Variants in KIAA1755 observed in about 807,000 individuals in gnomAD.
KIAA1755 encodes the protein KIAA1755, also known as uncharacterized protein KIAA1755.
KIAA1755 carries 68 observed loss-of-function variants against 91.7 expected under a neutral mutation model. That is an observed-to-expected ratio of 0.74 (90% confidence interval 0.61 to 0.91). KIAA1755 has a LOEUF of 0.91. Among genes scored for constraint, KIAA1755 ranks in the 40% least tolerant of loss-of-function variants. KIAA1755 has a pLI of 0.00. For missense variants in KIAA1755, 1,535 were observed against 1,494.4 expected (o/e 1.03, Z -0.45); for synonymous variants, 610 against 604.6 (o/e 1.01, Z -0.13).
At chr20:38,256,849 G>A (rs187198582) in intron 1 of KIAA1755, among the ~76,000 whole-genome samples, 2 of 152,254 alleles carry the variant, frequency 1.3e-5, no homozygotes, top group East Asian at 3.9e-4. Flanking sequence ...TGTTTGTGCT[G>A]TTTAAATTCC....
At chr20:38,247,535 G>T (rs764781283) in intron 1 of KIAA1755, among the ~76,000 whole-genome samples, 3 of 152,162 alleles carry the variant, frequency 2.0e-5, no homozygotes, top group Non-Finnish European at 4.4e-5. Context: ...CCCTTTTCTG[G>T]GATCCTATAG....
At chr20:38,217,678 T>C (rs928152544) in intron 12 of KIAA1755, 1 of 592,342 alleles carries the variant, frequency 1.7e-6, no homozygotes, top group Non-Finnish European at 3.0e-6. Flanking sequence ...AGAGCAGTTA[T>C]CACGCTTCTG....
intron 5 of KIAA1755, 53 bp downstream of exon 5, chr20:38,231,149 G>A: frequency 4.5e-6 from 7 of 1,564,896 alleles, no homozygotes; most frequent in Non-Finnish European, 6.1e-6. Flanking sequence ...CAGGGCTCTG[G>A]GCCCAGAGGG....
In KIAA1755 at chr20:38,260,638, C is replaced by A; in HGVS notation, c.-138G>T. On this transcript the variant is annotated 5_prime_UTR_variant, in exon 1 of 14. Coordinates refer to ENST00000279024, the MANE Select transcript of KIAA1755 (RefSeq NM_001029864.2). ...AGGGGATAGGGCAGGCCCGGGGCAC[C>A]GACCCCGGCGTCATCTCGGAGGAGC... is the stretch of plus-strand genomic sequence containing the variant. The A allele has an allele frequency of 9.7e-7, 1 of 1,034,552 alleles. No individual in the cohort carries two copies. Among genetic ancestry groups the A allele is most frequent in the South Asian group, 2.9e-5 (1 of 34,200 alleles). The allele number at this position is 1,034,552 out of a possible 1,614,324, so 64.1% of individuals were successfully genotyped here.
Position 38,218,246 on chromosome 20 carries a change from C to CTT in KIAA1755, c.2676_2677insAA (p.Ala893LysfsTer50). On this transcript the variant is annotated frameshift_variant, in exon 12 of 14. Transcript: ENST00000279024. LOFTEE classifies it high-confidence loss of function. ...CTCCTCTGTTGTCTGGAACGCACTG[C>CTT]AGCCTGGAGGAAGAAGTTCTCAAAT... is the stretch of plus-strand genomic sequence containing the variant. The CTT allele has an allele frequency of 6.2e-7, 1 of 1,614,202 alleles. No homozygotes were observed. The highest frequency in any genetic ancestry group is 8.5e-7 in the Non-Finnish European group (1 of 1,180,038).
chr20:38,232,259 G>T (rs567798460), intron 4 of KIAA1755, among the ~76,000 whole-genome samples: 7 of 152,150 alleles, frequency 4.6e-5, no homozygotes, highest in Non-Finnish European at 1.0e-4. Flanking sequence ...CACAAGTGCC[G>T]CCTCACAGGG....
At chr20:38,218,941 C>T (rs1412039078) in intron 11 of KIAA1755, among the ~76,000 whole-genome samples, 2 of 152,122 alleles carry the variant, frequency 1.3e-5, no homozygotes, top group Admixed American at 6.5e-5. Flanking sequence ...CTCTCAACCC[C>T]GAGTGGAAGT....
In KIAA1755 at chr20:38,260,185, C is replaced by T. The variant is rs1194724216; in HGVS notation, c.3+313G>A. 4 of 1,408,314 alleles carry T rather than the reference C, an allele frequency of 2.8e-6. No individual in the cohort carries two copies. The South Asian group carries it at 6.0e-5, about 21-fold the overall frequency. The allele number at this position is 1,408,314 out of a possible 1,614,324, so 87.2% of individuals were successfully genotyped here. On this transcript the variant is annotated intron_variant, in intron 1 of 13. Coordinates refer to ENST00000279024, the MANE Select transcript of KIAA1755 (RefSeq NM_001029864.2). ...CCAAAACAAACATGCAAAACCACCCCGTTTCAGCCCTCAGCCTCAGGGCTG... is the reference window on the plus strand; with the variant it reads ...CCAAAACAAACATGCAAAACCACCCTGTTTCAGCCCTCAGCCTCAGGGCTG...
intron 4 of KIAA1755, among the ~76,000 whole-genome samples, chr20:38,231,646 G>T (rs984044311): frequency 1.3e-5 from 2 of 152,190 alleles, no homozygotes; most frequent in African/African-American, 4.8e-5. Flanking sequence ...GACTCACTGT[G>T]TGTCTGTGGG....
Position 38,245,729 on chromosome 20 carries a change from G to T in KIAA1755, c.201+200C>A, listed in dbSNP as rs74765431. Among the ~76,000 whole-genome samples, 9 of 152,184 alleles carry T rather than the reference G, an allele frequency of 5.9e-5. No homozygotes were observed. The East Asian group carries it at 1.5e-3, about 26-fold the overall frequency. The stretch of plus-strand genomic sequence containing the variant: ...GACAGTACAATGTAATGAACTCATA[G>T]ATGTCACAAGGTAAATCCCCTTCGA... On this transcript the variant is annotated intron_variant, in intron 2 of 13. Transcript: ENST00000279024.
chr20:38,240,911 G>T lies in KIAA1755; in HGVS notation c.1220C>A (p.Pro407Gln). The T allele has an allele frequency of 6.2e-7, 1 of 1,614,044 alleles. No individual in the cohort carries two copies. The highest frequency in any genetic ancestry group is 2.2e-5 in the East Asian group (1 of 44,882). ...AGGCCTGAGCTGCACCATATTCTCTGGGTTTCCTAGAGGTCCCTGCATCTT... is the reference window on the plus strand; with the variant it reads ...AGGCCTGAGCTGCACCATATTCTCTTGGTTTCCTAGAGGTCCCTGCATCTT... ...ASKMQGPLGNPENMVQLRPGP... is the reference protein window; with the variant it reads ...ASKMQGPLGNQENMVQLRPGP... The change falls in exon 3 of 14, where the codon CCA (proline) becomes CAA (glutamine). Residue 407 changes from proline to glutamine, a missense_variant. Transcript: ENST00000279024.
chr20:38,229,985 C>T (rs868549894), intron 5 of KIAA1755, among the ~76,000 whole-genome samples: 2 of 152,174 alleles, frequency 1.3e-5, no homozygotes, highest in Non-Finnish European at 2.9e-5. Context: ...GGGTGGGATG[C>T]ATGAAGATAG....
chr20:38,210,568 C>T lies in KIAA1755; in HGVS notation c.*2474G>A, dbSNP rs1403865727. On this transcript the variant is annotated 3_prime_UTR_variant, in exon 14 of 14. Transcript: ENST00000279024. ...TTATGACATTTCATTTCTGCATTCC[C>T]TTCTTCCCCAGGGGATGCAGTGAGG... 6.6e-6 allele frequency: 1 copy of T among 152,222 alleles called. No individual in the cohort carries two copies. The highest frequency in any genetic ancestry group is 1.5e-5 in the Non-Finnish European group (1 of 68,040). 9.4% of individuals were successfully genotyped at this position (152,222 alleles called of 1,614,324 possible).
At chr20:38,224,518 C>T (rs377731073) in intron 8 of KIAA1755, among the ~76,000 whole-genome samples, 5 of 152,268 alleles carry the variant, frequency 3.3e-5, no homozygotes, top group East Asian at 1.9e-4. Context: ...TATAGACCGG[C>T]GGTTCTCAAT....
intron 1 of KIAA1755, among the ~76,000 whole-genome samples, chr20:38,259,808 C>T (rs1663916090): frequency 7.9e-6 from 1 of 126,784 alleles, no homozygotes; most frequent in Non-Finnish European, 1.6e-5. Flanking sequence ...CGCATCCCTG[C>T]CACCACCACC....
chr20:38,217,672 C>T, intron 12 of KIAA1755, 198 bp from the exon 13 acceptor site: 1 of 594,324 alleles, frequency 1.7e-6, no homozygotes, highest in Non-Finnish European at 3.0e-6. Context: ...CAATTAAGAG[C>T]AGTTATCACG....
intron 10 of KIAA1755, 151 bp downstream of exon 10, chr20:38,222,298 G>A: frequency 1.3e-6 from 1 of 792,166 alleles, no homozygotes; most frequent in South Asian, 1.7e-5. Flanking sequence ...CTGTGACCAG[G>A]CGTCAGCCTG....
intron 4 of KIAA1755, among the ~76,000 whole-genome samples, chr20:38,237,613 A>G: frequency 6.6e-6 from 1 of 151,838 alleles, no homozygotes; most frequent in East Asian, 1.9e-4. Flanking sequence ...AGTGAGGAAG[A>G]TATGATGATG....
intron 1 of KIAA1755, among the ~76,000 whole-genome samples, chr20:38,246,994 T>C (rs1354639976): frequency 6.6e-6 from 1 of 151,558 alleles, no homozygotes; most frequent in Non-Finnish European, 1.5e-5. Context: ...TGATCCAGGC[T>C]TCACCGCCTC....
Sources: allele counts gnomAD v4.1 joint callset (sites outside exome capture counted in the v4.1 genomes callset), GRCh38; gene constraint gnomAD v4.1.1; transcripts MANE v1.5; gene names NCBI Gene and HGNC (gene_info 2026-07-23, HGNC 2026-07-21).